Variants in CDAN1 observed in about 807,000 individuals in gnomAD.
CDAN1 encodes the protein codanin 1, also known as codanin-1.
A neutral mutation model predicts 139.8 loss-of-function variants in CDAN1; 107 were observed. The ratio of observed to expected loss-of-function variants is 0.77; its 90% confidence interval spans 0.65 to 0.90. The LOEUF is 0.90. Among genes scored for constraint, CDAN1 ranks in the 40% least tolerant of loss-of-function variants. CDAN1 has a pLI of 0.00. For synonymous variants in CDAN1, 776 were observed against 660.6 expected, an observed-to-expected ratio of 1.17 and a Z score of -2.68; for missense variants, 1,667 against 1,575.7, an observed-to-expected ratio of 1.06 and a Z score of -0.98.
At chr15:42,736,855 G>C in intron 1 of CDAN1, 75 bp from the exon 2 acceptor site, 3 of 1,453,496 alleles carry the variant, frequency 2.1e-6, no homozygotes, top group Non-Finnish European at 1.8e-6. Flanking sequence ...CGGGGCCGTA[G>C]GGCGCGCCTC....
At chr15:42,729,984 A>G in intron 15 of CDAN1, 99 bp from the exon 16 acceptor site, 2 of 1,200,064 alleles carry the variant, frequency 1.7e-6, no homozygotes, top group South Asian at 2.5e-5. Flanking sequence ...GCTTCAAAGC[A>G]GCCACCTCTG....
intron 15 of CDAN1, 37 bp from the exon 16 acceptor site, chr15:42,729,922 A>ACCCCCCCCCCCACCCCCCCCC: frequency 6.6e-7 from 1 of 1,513,210 alleles, no homozygotes; most frequent in African/African-American, 1.4e-5. Context: ...AACTTCAGAG[A>ACCCCCCCCCCCACCCCCCCCC]CCCCCACCCA....
intron 26 of CDAN1, 83 bp downstream of exon 26, chr15:42,725,406 T>G: frequency 6.4e-7 from 1 of 1,554,374 alleles, no homozygotes; most frequent in Non-Finnish European, 8.9e-7. Flanking sequence ...AAATAAAGGA[T>G]GCAGAGCAGC....
Position 42,729,888 on chromosome 15 carries a change from G to A in CDAN1, c.2263-3C>T. ...AAGTCCTCAGGGACTGTGGGAATCT[G>A]GCAAGACAGTCACAATTCAGGTCAA... On this transcript the variant is annotated splice_polypyrimidine_tract_variant and splice_region_variant and intron_variant, in intron 15 of 27. Coordinates refer to ENST00000356231, the MANE Select transcript of CDAN1 (RefSeq NM_138477.4). 1 of 1,611,304 alleles carries A rather than the reference G, an allele frequency of 6.2e-7. No homozygotes were observed. The highest frequency in any genetic ancestry group is 8.5e-7 in the Non-Finnish European group (1 of 1,178,548).
In CDAN1 at chr15:42,729,134, G is replaced by C. The variant is rs749485700; in HGVS notation, c.2542-8C>G. On this transcript the variant is annotated splice_polypyrimidine_tract_variant and splice_region_variant and intron_variant, in intron 18 of 27. Transcript: ENST00000356231. ...GGCCTGGGCGAGCTGTGCCTGGGGG[G>C]AGGAGGGAGAGGCAGCAAGGCTTCC... 6 of 1,613,822 alleles carry C rather than the reference G, an allele frequency of 3.7e-6. No homozygotes were observed. Among genetic ancestry groups the C allele is most frequent in the Admixed American group, 1.7e-5 (1 of 60,006 alleles).
chr15:42,733,557 G>A (rs1011203498), intron 8 of CDAN1, among the ~76,000 whole-genome samples: 5 of 152,144 alleles, frequency 3.3e-5, no homozygotes, highest in Non-Finnish European at 7.3e-5. Flanking sequence ...TTACAGGCGT[G>A]AGCCACCACA....
rs757892791 is a variant in CDAN1 at position 42,725,656 on chromosome 15, G to C, written c.3283C>G (p.Pro1095Ala). The C allele has an allele frequency of 1.2e-5, 20 of 1,613,910 alleles. No homozygotes were observed. The South Asian group carries it at 1.5e-4, about 12-fold the overall frequency. The change falls in exon 26 of 28, where the codon CCT (proline) becomes GCT (alanine). Residue 1095 changes from proline (P) to alanine (A), a missense_variant. Transcript: ENST00000356231. ...LASLLVADQI[P>A]ILGPPAQYRL... ...TACTGTGCCGGGGGCCCTAGGATAG[G>C]AATTTGATCTGCAACTGTGGAAAGA...
rs749850816 is a variant in CDAN1 at position 42,729,819 on chromosome 15, T to C, written c.2329A>G (p.Thr777Ala). The change falls in exon 16 of 28, where the codon ACA becomes GCA. Residue 777 changes from threonine (T) to alanine (A), a missense_variant. Physicochemically the swap from Thr to Ala is moderately conservative, Grantham distance 58. Transcript: ENST00000356231. ...EGPSYAFEVD[T>A]VAPEHGLDNA... The stretch of plus-strand genomic sequence containing the variant: ...ACCAAGCCATGCTCTGGGGCTACTG[T>C]GTCCACCTCAAAGGCATATGAGGGA... 5.6e-6 allele frequency: 9 copies of C among 1,613,770 alleles called. No homozygotes were observed. The highest frequency in any genetic ancestry group is 7.6e-6 in the Non-Finnish European group (9 of 1,179,906).
rs757148213 is a variant in CDAN1, at chr15:42,736,364, C to T, written c.507G>A (p.Pro169=). 2.5e-6 allele frequency: 4 copies of T among 1,613,696 alleles called. No individual in the cohort carries two copies. The highest frequency in any genetic ancestry group is 2.2e-5 in the South Asian group (2 of 91,084). The change falls in exon 2 of 28, where the codon CCG becomes CCA. Residue 169 remains proline, a synonymous_variant. Transcript: ENST00000356231. ...PSRPSLTLSD[P]PNLSNLEEFP... is the part of the protein sequence containing the mutation. Reference sequence around the variant, plus strand: ...ACTCCTCCAGGTTGCTGAGGTTTGGCGGATCAGACAGCGTGAGGCTGGGGC... The same window carrying T: ...ACTCCTCCAGGTTGCTGAGGTTTGGTGGATCAGACAGCGTGAGGCTGGGGC...
chr15:42,726,218 G>A (rs530246239), intron 24 of CDAN1, 58 bp from the exon 25 acceptor site: 40 of 1,605,334 alleles, frequency 2.5e-5, no homozygotes, highest in East Asian at 2.0e-4. Flanking sequence ...TTACTGCTGC[G>A]AGAACTGGCC....
Position 42,724,365 on chromosome 15 carries a change from G to C in CDAN1, c.*126C>G. On this transcript the variant is annotated 3_prime_UTR_variant, in exon 28 of 28. Coordinates refer to ENST00000356231, the MANE Select transcript of CDAN1 (RefSeq NM_138477.4). ...GCCAGGCAGTGACACCCTTAGAGCA[G>C]GAAGTCTGACTGTAGACCCAGCTAC... 1 of 1,286,006 alleles carries C rather than the reference G, an allele frequency of 7.8e-7. No homozygotes were observed. The highest frequency in any genetic ancestry group is 1.1e-6 in the Non-Finnish European group (1 of 921,078). The allele number at this position is 1,286,006 out of a possible 1,614,324, so 79.7% of individuals were successfully genotyped here.
At position 42,735,274 on chromosome 15, in the gene CDAN1, A is replaced by C. The variant is rs1459242664; in HGVS notation, c.1044T>G (p.Ser348Arg). 3 of 1,608,206 alleles carry C rather than the reference A, an allele frequency of 1.9e-6. No individual in the cohort carries two copies. The African/African-American group carries it at 4.0e-5, about 22-fold the overall frequency. The part of the protein sequence containing the change: ...VTAKDSDPEL[S>R]PAVLDSLESP... ...TTGCTCACTGACCTAGGACAGCTGG[A>C]CTTAGTTCAGGGTCGCTGTCCTTGG... Residue 348 changes from serine to arginine, a missense_variant, in exon 5 of 28, where the codon AGT (serine) becomes AGG (arginine). Coordinates refer to ENST00000356231, the MANE Select transcript of CDAN1 (RefSeq NM_138477.4).
rs1303990899 is a variant in CDAN1, at chr15:42,730,602, G to A, written c.2170C>T (p.His724Tyr). 1.2e-6 allele frequency: 2 copies of A among 1,614,000 alleles called. No homozygotes were observed. Among genetic ancestry groups the A allele is most frequent in the African/African-American group, 2.7e-5 (2 of 74,936 alleles). The change falls in exon 14 of 28, where the codon CAC becomes TAC. Residue 724 changes from histidine (H) to tyrosine (Y), a missense_variant. Physicochemically the swap from His to Tyr is moderately conservative, Grantham distance 83 (BLOSUM62 2). Around this residue, in one of 3 missense-constraint regions of CDAN1, gnomAD observed 936 missense variants for 844.1 expected, o/e 1.11. Transcript: ENST00000356231. Reference protein sequence around the residue: ...RDIFTLLLRLHRSLVLSQESE... With the variant: ...RDIFTLLLRLYRSLVLSQESE... ...CCTCAGCCTTGTTCCACTCACCGGT[G>A]CAGGCGCAGCAGGAGAGTGAAGATG...
At position 42,728,860 on chromosome 15, in the gene CDAN1, G is replaced by A. The variant is rs200089015; in HGVS notation, c.2646-50C>T. Reference sequence around the variant, plus strand: ...GGATGGTTGGAGGGTTAATCGGAAAGAGGCTGAAAATTTATGGGAATTTGG... The same window carrying A: ...GGATGGTTGGAGGGTTAATCGGAAAAAGGCTGAAAATTTATGGGAATTTGG... On this transcript the variant is annotated intron_variant, in intron 19 of 27. Transcript: ENST00000356231. 2.5e-4 allele frequency: 405 copies of A among 1,612,790 alleles called. 2 individuals carry two copies. The East Asian group carries it at 8.5e-3, about 34-fold the overall frequency.
At chr15:42,732,533 G>A (rs2140493614) in intron 9 of CDAN1, 125 bp from the exon 10 acceptor site, 2 of 843,494 alleles carry the variant, frequency 2.4e-6, no homozygotes, top group Admixed American at 1.9e-5. Flanking sequence ...CTCAGCCAGA[G>A]CCAGCCTGCA....
rs1484047765 is a variant in CDAN1, at chr15:42,736,958, C to T, written c.90+55G>A. The T allele has an allele frequency of 3.3e-6, 5 of 1,512,164 alleles. No individual in the cohort carries two copies. The Admixed American group carries it at 8.2e-5, about 25-fold the overall frequency. The allele number at this position is 1,512,164 out of a possible 1,614,324, so 93.7% of individuals were successfully genotyped here. A position where few individuals can be genotyped will look rare whatever the true frequency, so the allele number is the denominator to read the frequency against. Reference sequence around the variant, plus strand: ...AGAGGAAGGGGACTGGAGGGCTGGACTCCACTGCGGGAACCGGCTTCGAGT... The same window carrying T: ...AGAGGAAGGGGACTGGAGGGCTGGATTCCACTGCGGGAACCGGCTTCGAGT... On this transcript the variant is annotated intron_variant, in intron 1 of 27. Coordinates refer to ENST00000356231, the MANE Select transcript of CDAN1 (RefSeq NM_138477.4).
Position 42,731,081 on chromosome 15 carries a change from A to G in CDAN1, c.1861-10T>C, listed in dbSNP as rs748699946. ...ATTGCTTCCGCTCACCCTGCATGGA[A>G]TCAAGGGAAGTAAAAGGTCCAAGCA... On this transcript the variant is annotated splice_polypyrimidine_tract_variant and intron_variant, in intron 12 of 27. Transcript: ENST00000356231. 6.2e-7 allele frequency: 1 copy of G among 1,614,232 alleles called. No individual in the cohort carries two copies.
At chr15:42,727,287 C>T (rs546055828) in intron 23 of CDAN1, 1 of 258,196 alleles carries the variant, frequency 3.9e-6, no homozygotes, top group East Asian at 7.5e-5. Context: ...TCTCCAAATA[C>T]TGGGGCGACT....
At chr15:42,736,808 G>T (rs1247966613) in intron 1 of CDAN1, 28 bp from the exon 2 acceptor site, 1 of 1,499,886 alleles carries the variant, frequency 6.7e-7, no homozygotes, top group South Asian at 1.3e-5. Context: ...GTGGAGGGGC[G>T]AGAGGGTCAG....
Sources: gnomAD v4.1 joint callset for allele counts (sites outside exome capture counted in the v4.1 genomes callset) on GRCh38, gnomAD v4.1.1 for gene constraint, gnomAD v4.1.1 regional missense constraint, MANE v1.5 for transcripts, NCBI Gene and HGNC (gene_info 2026-07-23, HGNC 2026-07-21) for gene names.